JCHAIN: variants seen among roughly 807,000 people sequenced by gnomAD.
JCHAIN encodes the protein immunoglobulin J chain.
A neutral mutation model predicts 11.1 loss-of-function variants in JCHAIN; 5 were observed. That is an observed-to-expected ratio of 0.45 (90% confidence interval 0.24 to 0.95). The LOEUF is 0.95. Among genes scored for constraint, JCHAIN ranks in the 40% least tolerant of loss-of-function variants. The pLI is 0.21. For synonymous variants in JCHAIN, 51 were observed against 67.8 expected (o/e 0.75, Z 1.22); for missense variants, 165 against 192.7 (o/e 0.86, Z 0.85).
intron 2 of JCHAIN, among the ~76,000 whole-genome samples, chr4:70,657,976 CA>C (rs577080451): frequency 8.3e-4 from 127 of 152,172 alleles, no homozygotes; most frequent in African/African-American, 2.9e-3. Flanking sequence ...TTAACTTTAA[CA>C]TTTTTTTCAT....
At chr4:70,663,709 T>G (rs948056310) in intron 1 of JCHAIN, among the ~76,000 whole-genome samples, 2 of 151,472 alleles carry the variant, frequency 1.3e-5, no homozygotes, top group African/African-American at 4.8e-5. Flanking sequence ...TACAGGCATG[T>G]GCCACCATGC....
At position 70,666,476 on chromosome 4, in the gene JCHAIN, C is replaced by A; in HGVS notation, c.15G>T (p.Leu5Phe). 1.2e-6 allele frequency: 2 copies of A among 1,612,950 alleles called. No homozygotes were observed. Among genetic ancestry groups the A allele is most frequent in the Middle Eastern group, 3.3e-4 (2 of 6,058 alleles). MKNH[L>F]LFWGVLAVFI... Reference sequence around the variant, plus strand: ...AAACCGCCAGGACTCCCCAGAAAAGCAAATGGTTCTTCATCTTGACTTCAC... The same window carrying A: ...AAACCGCCAGGACTCCCCAGAAAAGAAAATGGTTCTTCATCTTGACTTCAC... The change falls in exon 1 of 4, where the codon TTG becomes TTT. Residue 5 changes from leucine to phenylalanine, a missense_variant. Coordinates refer to ENST00000254801, the MANE Select transcript of JCHAIN (RefSeq NM_144646.4).
At position 70,662,214 on chromosome 4, in the gene JCHAIN, G is replaced by T; in HGVS notation, c.66C>A (p.Ala22=). ...CAAGAACAATCCTTTCATCTTCTTG[G>T]GCTTGAAAGGTAAACGTATTAAAAA... The part of the protein sequence containing the change: ...AVFIKAVHVK[A]QEDERIVLVD... Residue 22 remains alanine (A), a splice_region_variant and synonymous_variant, in exon 2 of 4, where the codon GCC becomes GCA. Coordinates refer to ENST00000254801, the MANE Select transcript of JCHAIN (RefSeq NM_144646.4). 1 of 1,611,638 alleles carries T rather than the reference G, an allele frequency of 6.2e-7. No homozygotes were observed. Among genetic ancestry groups the T allele is most frequent in the Non-Finnish European group, 8.5e-7 (1 of 1,178,320 alleles).
At chr4:70,660,551 T>C (rs200518530) in intron 2 of JCHAIN, among the ~76,000 whole-genome samples, 1 of 151,916 alleles carries the variant, frequency 6.6e-6, no homozygotes, top group Admixed American at 6.6e-5. Context: ...GCCCGGATAA[T>C]TTTTGTATTT....
At chr4:70,658,488 G>T (rs1738997340) in intron 2 of JCHAIN, among the ~76,000 whole-genome samples, 1 of 152,086 alleles carries the variant, frequency 6.6e-6, no homozygotes, top group Admixed American at 6.6e-5. Flanking sequence ...ACAATCACTT[G>T]CAATTCCACA....
At chr4:70,661,994 G>A in intron 2 of JCHAIN, 98 bp downstream of exon 2, 1 of 1,153,502 alleles carries the variant, frequency 8.7e-7, no homozygotes. Flanking sequence ...ACAGCAAAAA[G>A]GGGAGTAAAG....
intron 2 of JCHAIN, among the ~76,000 whole-genome samples, 171 bp downstream of exon 2, chr4:70,661,921 T>C (rs993825111): frequency 6.6e-6 from 1 of 152,254 alleles, no homozygotes; most frequent in Non-Finnish European, 1.5e-5. Context: ...TTACCCCTAA[T>C]TTCAATAAAA....
At chr4:70,662,282 A>G in intron 1 of JCHAIN, 67 bp from the exon 2 acceptor site, 2 of 1,420,048 alleles carry the variant, frequency 1.4e-6, no homozygotes, top group Non-Finnish European at 1.9e-6. Flanking sequence ...GTATTGAGTT[A>G]TTTTATCTTT....
At position 70,657,272 on chromosome 4, in the gene JCHAIN, C is replaced by T. The variant is rs768111301; in HGVS notation, c.208G>A (p.Glu70Lys). 2.5e-6 allele frequency: 4 copies of T among 1,597,808 alleles called. No individual in the cohort carries two copies. The highest frequency in any genetic ancestry group is 1.7e-5 in the Admixed American group (1 of 59,924). The change falls in exon 3 of 4, where the codon GAG becomes AAG. Residue 70 changes from glutamate (E) to lysine (K), a missense_variant. Coordinates refer to ENST00000254801, the MANE Select transcript of JCHAIN (RefSeq NM_144646.4). ...GGTGAGGTGGGATCAGAGATATTCT[C>T]CCTGTTGTTCAGAGGAACACTAAAA... ...IRIIVPLNNR[E>K]NISDPTSPLR... is the part of the protein sequence containing the mutation.
At chr4:70,656,941 T>C (rs1398058130) in intron 3 of JCHAIN, among the ~76,000 whole-genome samples, 1 of 152,170 alleles carries the variant, frequency 6.6e-6, no homozygotes, top group Non-Finnish European at 1.5e-5. Context: ...CAAATCCACT[T>C]ATTGAACTAT....
At chr4:70,659,076 TATA>T (rs903895232) in intron 2 of JCHAIN, among the ~76,000 whole-genome samples, 12 of 152,344 alleles carry the variant, frequency 7.9e-5, no homozygotes, top group Admixed American at 6.5e-4. Context: ...GAGAGGCTAC[TATA>T]AGCCAAACAC....
intron 1 of JCHAIN, 49 bp downstream of exon 1, chr4:70,666,378 G>T: frequency 7.6e-7 from 1 of 1,310,024 alleles, no homozygotes; most frequent in South Asian, 1.2e-5. Flanking sequence ...AAACAGATCT[G>T]TCCTATATTT....
chr4:70,665,725 T>C (rs951979344), intron 1 of JCHAIN: 1 of 153,292 alleles, frequency 6.5e-6, no homozygotes, highest in Non-Finnish European at 1.5e-5. Context: ...TAGTATAAAA[T>C]ATATATATAA....
At chr4:70,664,549 A>C (rs1739117308) in intron 1 of JCHAIN, among the ~76,000 whole-genome samples, 2 of 152,208 alleles carry the variant, frequency 1.3e-5, no homozygotes, top group African/African-American at 2.4e-5. Flanking sequence ...ATGCATTATT[A>C]TACCATTATT....
intron 1 of JCHAIN, among the ~76,000 whole-genome samples, chr4:70,665,563 A>G (rs1739135445): frequency 6.6e-6 from 1 of 152,076 alleles, no homozygotes; most frequent in African/African-American, 2.4e-5. Flanking sequence ...TGAAAGTATG[A>G]TATTTTCAAC....
intron 1 of JCHAIN, 133 bp from the exon 2 acceptor site, chr4:70,662,348 T>C: frequency 1.4e-6 from 1 of 729,934 alleles, no homozygotes; most frequent in Non-Finnish European, 2.2e-6. Context: ...CTCCATTTGT[T>C]CTCTAAGCAG....
chr4:70,657,836 G>A (rs984148003), intron 2 of JCHAIN, among the ~76,000 whole-genome samples: 1 of 152,050 alleles, frequency 6.6e-6, no homozygotes, highest in Non-Finnish European at 1.5e-5. Context: ...TTAGAGGAGA[G>A]GAAATCATAA....
Position 70,656,400 on chromosome 4 carries a change from G to C in JCHAIN, c.409C>G (p.Pro137Ala). ...DRNKCYTAVV[P>A]LVYGGETKMV... ...TTGGTCTCACCACCATATACGAGTG[G>C]GACCACAGCTGTGTAGCACTTGTTT... The change falls in exon 4 of 4, where the codon CCA (proline) becomes GCA (alanine). Residue 137 changes from proline to alanine, a missense_variant. Pro to Ala is a conservative substitution (Grantham distance 27). Transcript: ENST00000254801. The C allele has an allele frequency of 6.2e-7, 1 of 1,613,900 alleles. No individual in the cohort carries two copies. Among genetic ancestry groups the C allele is most frequent in the East Asian group, 2.2e-5 (1 of 44,878 alleles).
intron 1 of JCHAIN, among the ~76,000 whole-genome samples, chr4:70,665,177 A>C (rs1042645804): frequency 6.6e-6 from 1 of 152,240 alleles, no homozygotes; most frequent in Admixed American, 6.5e-5. Context: ...TACACAAGGC[A>C]GAATAGGATA....
Sources: gnomAD v4.1 joint callset for allele counts (sites outside exome capture counted in the v4.1 genomes callset) on GRCh38, gnomAD v4.1.1 for gene constraint, MANE v1.5 for transcripts, NCBI Gene and HGNC (gene_info 2026-07-23, HGNC 2026-07-21) for gene names.